GTF2IRD1: variants seen among roughly 807,000 people sequenced by gnomAD.
GTF2IRD1 encodes the protein general transcription factor II-I repeat domain-containing protein 1.
A neutral mutation model predicts 113.2 loss-of-function variants in GTF2IRD1; 26 were observed. The observed-to-expected ratio is 0.23, with a 90% CI of 0.17 to 0.32. The LOEUF is 0.32. Among genes scored for constraint, GTF2IRD1 ranks in the 10% least tolerant of loss-of-function variants. The probability of loss-of-function intolerance (pLI) is 1.00; values close to 1 mark genes in which losing one functional copy is unlikely to be tolerated. For synonymous variants in GTF2IRD1, 484 were observed against 529.1 expected, an observed-to-expected ratio of 0.91 and a Z score of 1.17; for missense variants, 864 against 1,280.8, an observed-to-expected ratio of 0.67 and a Z score of 4.97.
intron 1 of GTF2IRD1, among the ~76,000 whole-genome samples, chr7:74,480,911 A>G (rs1794705273): frequency 6.6e-6 from 1 of 151,990 alleles, no homozygotes; most frequent in African/African-American, 2.4e-5. Context: ...AGGACGCCCT[A>G]CCTTCCAGAA....
At chr7:74,468,306 G>A (rs1206881023) in intron 1 of GTF2IRD1, among the ~76,000 whole-genome samples, 2 of 151,410 alleles carry the variant, frequency 1.3e-5, no homozygotes, top group African/African-American at 4.9e-5. Flanking sequence ...GTTTGAGACC[G>A]GCCTGGGCAA....
At chr7:74,470,343 T>G (rs1245014974) in intron 1 of GTF2IRD1, among the ~76,000 whole-genome samples, 1 of 152,210 alleles carries the variant, frequency 6.6e-6, no homozygotes, top group African/African-American at 2.4e-5. Flanking sequence ...TGAAGTTGTG[T>G]GACCATCGCC....
intron 1 of GTF2IRD1, among the ~76,000 whole-genome samples, chr7:74,479,137 G>T (rs1554334050): frequency 6.6e-6 from 1 of 151,998 alleles, no homozygotes; most frequent in East Asian, 1.9e-4. Flanking sequence ...GCAACTCCTG[G>T]CTCCCCAACT....
At chr7:74,542,135 C>T (rs1427634806) in intron 14 of GTF2IRD1, among the ~76,000 whole-genome samples, 2 of 150,922 alleles carry the variant, frequency 1.3e-5, no homozygotes, top group African/African-American at 2.4e-5. Flanking sequence ...TGAAGAATTG[C>T]GTAATCCTAG....
rs797028352 is a variant in GTF2IRD1 at position 74,486,808 on chromosome 7, C to CA, written c.-6-21255dup. Among the ~76,000 whole-genome samples the CA allele has an allele frequency of 1.8e-3, 231 of 129,470 alleles. 4 individuals carry two copies. The highest frequency in any genetic ancestry group is 5.8e-3 in the South Asian group (24 of 4,158). 84.9% of individuals were successfully genotyped at this position (129,470 alleles called of 152,430 possible). ...GCAACATAGCAAGACCATGTCTCTA[C>CA]AAAAAAAAAAAATGAAAAAAAATAG... On this transcript the variant is annotated intron_variant, in intron 1 of 26. Coordinates refer to ENST00000424337, the MANE Select transcript of GTF2IRD1 (RefSeq NM_005685.4).
At chr7:74,574,511 T>C (rs1439770236) in intron 22 of GTF2IRD1, among the ~76,000 whole-genome samples, 2 of 147,188 alleles carry the variant, frequency 1.4e-5, no homozygotes, top group Non-Finnish European at 3.0e-5. Context: ...CAGGCTGGAG[T>C]GCAGTAGCAC....
chr7:74,544,590 G>A (rs1400634562), intron 14 of GTF2IRD1, among the ~76,000 whole-genome samples, 165 bp from the exon 15 acceptor site: 1 of 152,226 alleles, frequency 6.6e-6, no homozygotes, highest in Non-Finnish European at 1.5e-5. Context: ...GGCCAGGGTA[G>A]GCACCTGTAT....
chr7:74,527,843 A>G (rs890835678), intron 8 of GTF2IRD1, among the ~76,000 whole-genome samples: 10 of 148,336 alleles, frequency 6.7e-5, no homozygotes, highest in Admixed American at 3.4e-4. Context: ...TCCATCAGGG[A>G]AAAAAAAAAA....
rs528801494 is a variant in GTF2IRD1 at position 74,478,218 on chromosome 7, G to A, written c.-7+24042G>A. 2.6e-5 allele frequency among the ~76,000 whole-genome samples: 4 copies of A among 152,338 alleles called. No homozygotes were observed. In the South Asian group the frequency reaches 8.3e-4, roughly 32 times the overall value. On this transcript the variant is annotated intron_variant, in intron 1 of 26. Transcript: ENST00000424337. The stretch of plus-strand genomic sequence containing the variant: ...ACCGCCCCTTGCGTGGAGGGACAGA[G>A]ATATACTGTGAGCAACACGGGACCT...
chr7:74,545,009 G>C (rs1798841254), intron 15 of GTF2IRD1, among the ~76,000 whole-genome samples: 2 of 152,144 alleles, frequency 1.3e-5, no homozygotes, highest in African/African-American at 4.8e-5. Context: ...GAAGTTCCTG[G>C]TCAAAGGTGA....
At chr7:74,497,494 A>C (rs944829530) in intron 1 of GTF2IRD1, among the ~76,000 whole-genome samples, 1 of 152,148 alleles carries the variant, frequency 6.6e-6, no homozygotes, top group African/African-American at 2.4e-5. Flanking sequence ...AGCTCAAGCA[A>C]TCCTCCTGCC....
At position 74,471,302 on chromosome 7, in the gene GTF2IRD1, G is replaced by A. The variant is rs147226204; in HGVS notation, c.-7+17126G>A. 5.8e-3 allele frequency among the ~76,000 whole-genome samples: 890 copies of A among 152,242 alleles called. 11 individuals are homozygous for A. Among genetic ancestry groups the A allele is most frequent in the Non-Finnish European group, 0.01 (697 of 68,012 alleles). On this transcript the variant is annotated intron_variant, in intron 1 of 26. Coordinates refer to ENST00000424337, the MANE Select transcript of GTF2IRD1 (RefSeq NM_005685.4). The stretch of plus-strand genomic sequence containing the variant: ...TGTAATCCCAGCACTTTGGAAGACT[G>A]AGGCAGGAGGATCGCTTGAGGTCAG...
At chr7:74,480,071 C>T (rs553912708) in intron 1 of GTF2IRD1, among the ~76,000 whole-genome samples, 12 of 152,188 alleles carry the variant, frequency 7.9e-5, no homozygotes, top group African/African-American at 2.4e-4. Context: ...TTAAGCATCC[C>T]GTGTGATGAA....
intron 1 of GTF2IRD1, among the ~76,000 whole-genome samples, chr7:74,464,016 G>A (rs1157456085): frequency 1.3e-5 from 2 of 152,114 alleles, no homozygotes; most frequent in African/African-American, 2.4e-5. Context: ...GAGCCACCGC[G>A]CCCTGCCCTA....
chr7:74,559,703 G>C, intron 22 of GTF2IRD1, 48 bp downstream of exon 22: 1 of 1,515,882 alleles, frequency 6.6e-7, no homozygotes, highest in Non-Finnish European at 9.0e-7. Flanking sequence ...GGGCCCGATC[G>C]TGGTGCTGGG....
At chr7:74,475,480 A>G (rs37620) in intron 1 of GTF2IRD1, among the ~76,000 whole-genome samples, 122,513 of 152,086 alleles carry the variant, frequency 0.81, 49,487 homozygotes, top group Admixed American at 0.85. Context: ...GGCCTCATGT[A>G]CGTTCCTGAG....
At chr7:74,586,331 T>C (rs1801716046) in intron 22 of GTF2IRD1, among the ~76,000 whole-genome samples, 1 of 152,028 alleles carries the variant, frequency 6.6e-6, no homozygotes, top group Non-Finnish European at 1.5e-5. Flanking sequence ...AAGGCCCGTG[T>C]TGGGTCACAG....
intron 22 of GTF2IRD1, among the ~76,000 whole-genome samples, chr7:74,587,863 G>A (rs1801806515): frequency 6.6e-6 from 1 of 152,108 alleles, no homozygotes; most frequent in African/African-American, 2.4e-5. Flanking sequence ...GCAGCAGATA[G>A]GCCGTGACGG....
At chr7:74,518,792 G>A (rs1210963733) in intron 5 of GTF2IRD1, among the ~76,000 whole-genome samples, 3 of 152,122 alleles carry the variant, frequency 2.0e-5, no homozygotes, top group African/African-American at 7.2e-5. Flanking sequence ...GGAGGCTGAG[G>A]CAGGAGGCTT....
Sources: allele counts gnomAD v4.1 joint callset (sites outside exome capture counted in the v4.1 genomes callset), GRCh38; gene constraint gnomAD v4.1.1; transcripts MANE v1.5; gene names NCBI Gene and HGNC (gene_info 2026-07-23, HGNC 2026-07-21).